Variants in IRAK1BP1 observed in about 807,000 individuals in gnomAD.
IRAK1BP1 encodes the protein interleukin-1 receptor-associated kinase 1-binding protein 1.
Under a neutral mutation model 28.0 loss-of-function variants are expected in IRAK1BP1, and 24 were observed. That is an observed-to-expected ratio of 0.86 (90% CI 0.62 to 1.20). The LOEUF is 1.20. IRAK1BP1 is among the 50% of genes most tolerant of loss of function. The probability of loss-of-function intolerance (pLI) is 0.00; values close to 1 mark genes in which losing one functional copy is unlikely to be tolerated. For missense variants in IRAK1BP1, 336 were observed against 316.7 expected, an observed-to-expected ratio of 1.06 and a Z score of -0.46; for synonymous variants, 131 against 116.3, an observed-to-expected ratio of 1.13 and a Z score of -0.81.
chr6:78,912,671 A>G (rs1316285329), intron 4 of IRAK1BP1, among the ~76,000 whole-genome samples: 4 of 152,232 alleles, frequency 2.6e-5, no homozygotes. Context: ...TCTACTGGCA[A>G]CAGAATGGTT....
the IRAK1BP1 span, among the ~76,000 whole-genome samples, chr6:78,979,130 C>T: frequency 6.6e-6 from 1 of 152,062 alleles, no homozygotes; most frequent in African/African-American, 2.4e-5. Flanking sequence ...TTGTTATCTG[C>T]AGGGGTCTTG....
At chr6:78,944,603 T>C (rs1773702355) in intron 4 of IRAK1BP1, among the ~76,000 whole-genome samples, 1 of 152,202 alleles carries the variant, frequency 6.6e-6, no homozygotes, top group Non-Finnish European at 1.5e-5. Context: ...AAGGCTAGGA[T>C]GACTCCCTGA....
At chr6:78,869,857 C>T (rs1748848975) in intron 1 of IRAK1BP1, among the ~76,000 whole-genome samples, 1 of 151,916 alleles carries the variant, frequency 6.6e-6, no homozygotes, top group South Asian at 2.1e-4. Context: ...GCCTGTAATC[C>T]CATCACTTTG....
At chr6:78,969,834 C>T in the IRAK1BP1 span, 1 of 1,481,004 alleles carries the variant, frequency 6.8e-7, no homozygotes, top group Non-Finnish European at 9.3e-7. Flanking sequence ...AAATTACCCA[C>T]CTATATTCCA....
chr6:78,923,543 T>G (rs183398067), intron 4 of IRAK1BP1, among the ~76,000 whole-genome samples: 46 of 152,222 alleles, frequency 3.0e-4, no homozygotes, highest in African/African-American at 7.0e-4. Context: ...TCCAGGAATT[T>G]AACTCAGCTC....
At chr6:78,903,162 C>A, downstream of IRAK1BP1, 1 of 984,840 alleles carries the variant, frequency 1.0e-6, no homozygotes, top group Non-Finnish European at 1.5e-6. Context: ...AAAAAGCATA[C>A]TGTATTCTTT....
chr6:78,883,959 C>CT lies in IRAK1BP1; in HGVS notation c.316-1419_316-1418insT, dbSNP rs111713095. ...TAAGGTTGGATACTATCTATGGTTT[C>CT]AGGTATCTGCTGGAGGTCTTGGAAT... On this transcript the variant is annotated intron_variant, in intron 1 of 3. Transcript: ENST00000369940. Among the ~76,000 whole-genome samples the CT allele has an allele frequency of 5.4e-3, 820 of 152,180 alleles. 7 individuals carry two copies. Among genetic ancestry groups the CT allele is most frequent in the Middle Eastern group, 0.034 (10 of 292 alleles).
intron 4 of IRAK1BP1, chr6:78,937,320 ATTAAT>A (rs962878490): frequency 4.6e-5 from 7 of 151,888 alleles, no homozygotes; most frequent in East Asian, 1.9e-4. Flanking sequence ...AACTGGAGAA[ATTAAT>A]TTATATTACA....
the IRAK1BP1 span, chr6:78,963,287 G>C: frequency 6.5e-7 from 1 of 1,544,692 alleles, no homozygotes; most frequent in Non-Finnish European, 8.8e-7. Flanking sequence ...CAAATACATG[G>C]TAACTTATTA....
At chr6:78,955,738 T>C in the IRAK1BP1 span, 14 of 650,798 alleles carry the variant, frequency 2.2e-5, no homozygotes, top group Admixed American at 3.9e-4. Flanking sequence ...ATTTTTTTCC[T>C]TAAAAATTTG....
chr6:78,903,262 C>A (rs1772167348), downstream of IRAK1BP1, among the ~76,000 whole-genome samples: 1 of 152,040 alleles, frequency 6.6e-6, no homozygotes, highest in Non-Finnish European at 1.5e-5. Context: ...GCAGGTGGAT[C>A]ACTTGAGACC....
At chr6:78,978,954 C>T in the IRAK1BP1 span, among the ~76,000 whole-genome samples, 1 of 152,066 alleles carries the variant, frequency 6.6e-6, no homozygotes, top group Non-Finnish European at 1.5e-5. Flanking sequence ...GAATTTGCTA[C>T]ATTCTGAATA....
downstream of IRAK1BP1, among the ~76,000 whole-genome samples, chr6:78,906,072 TGAA>T (rs1772254137): frequency 6.6e-6 from 1 of 152,162 alleles, no homozygotes; most frequent in Non-Finnish European, 1.5e-5. Context: ...ACATTACTTA[TGAA>T]GAAGAGATGA....
downstream of IRAK1BP1, among the ~76,000 whole-genome samples, chr6:78,906,213 G>A (rs182725771): frequency 2.2e-3 from 337 of 151,586 alleles, 4 homozygotes; most frequent in African/African-American, 7.8e-3. Flanking sequence ...CAGGTATATA[G>A]GAGATTGAAT....
At chr6:78,870,604 A>C (rs1252293913) in intron 1 of IRAK1BP1, among the ~76,000 whole-genome samples, 1 of 152,230 alleles carries the variant, frequency 6.6e-6, no homozygotes, top group Non-Finnish European at 1.5e-5. Flanking sequence ...TATAATCCTT[A>C]CTTCTAGCGT....
intron 1 of IRAK1BP1, among the ~76,000 whole-genome samples, chr6:78,883,202 G>A (rs1467441700): frequency 3.3e-5 from 5 of 152,066 alleles, no homozygotes; most frequent in South Asian, 4.1e-4. Context: ...TCAAGATTAC[G>A]GTGAGCCATG....
intron 1 of IRAK1BP1, 76 bp from the exon 2 acceptor site, chr6:78,885,302 T>G (rs1562081025): frequency 1.2e-5 from 10 of 803,826 alleles, no homozygotes; most frequent in Non-Finnish European, 2.1e-5. Flanking sequence ...TTAATTAGTG[T>G]AGGTTTCTAA....
chr6:78,925,721 C>G (rs559005864), intron 4 of IRAK1BP1, among the ~76,000 whole-genome samples: 1 of 152,150 alleles, frequency 6.6e-6, no homozygotes, highest in Non-Finnish European at 1.5e-5. Context: ...ATCATTCTGT[C>G]ATAAAGATAT....
In IRAK1BP1 at chr6:78,878,927, G is replaced by T. The variant is rs553962307; in HGVS notation, c.316-6451G>T. 3.3e-5 allele frequency among the ~76,000 whole-genome samples: 5 copies of T among 152,282 alleles called. No homozygotes were observed. In the East Asian group the frequency reaches 9.7e-4, roughly 29 times the overall value. Reference sequence around the variant, plus strand: ...TGGTGGAAGATCAAATGAATGAAATGAAGTGAGAAGTTTACAGAAAAAAGA... The same window carrying T: ...TGGTGGAAGATCAAATGAATGAAATTAAGTGAGAAGTTTACAGAAAAAAGA... On this transcript the variant is annotated intron_variant, in intron 1 of 3. Coordinates refer to ENST00000369940, the MANE Select transcript of IRAK1BP1 (RefSeq NM_001010844.4).
Sources: gnomAD v4.1 joint callset for allele counts (sites outside exome capture counted in the v4.1 genomes callset) on GRCh38, gnomAD v4.1.1 for gene constraint, MANE v1.5 for transcripts, NCBI Gene and HGNC (gene_info 2026-07-23, HGNC 2026-07-21) for gene names.